Variants in MAP2 observed in about 807,000 individuals in gnomAD.
MAP2 encodes microtubule-associated protein 2.
In MAP2, 14 loss-of-function variants were observed where a neutral mutation model predicts 137.6. The observed-to-expected ratio is 0.10, with a 90% CI of 0.07 to 0.16. MAP2 has a LOEUF of 0.16. Ranked by LOEUF, MAP2 falls within the 10% of genes least tolerant of loss-of-function variation. The probability of loss-of-function intolerance (pLI) is 1.00; values close to 1 mark genes in which losing one functional copy is unlikely to be tolerated. For missense variants in MAP2, 2,088 were observed against 2,191.5 expected, an observed-to-expected ratio of 0.95 and a Z score of 0.94; for synonymous variants, 786 against 782.3, an observed-to-expected ratio of 1.00 and a Z score of -0.08.
chr2:209,688,145 C>T (rs2057684899), intron 7 of MAP2, among the ~76,000 whole-genome samples: 1 of 152,018 alleles, frequency 6.6e-6, no homozygotes, highest in South Asian at 2.1e-4. Flanking sequence ...TAAAAGAAGC[C>T]TTACTAGAGG....
chr2:209,494,511 T>C (rs554390329), intron 1 of MAP2, among the ~76,000 whole-genome samples: 14 of 151,480 alleles, frequency 9.2e-5, no homozygotes, highest in African/African-American at 3.4e-4. Context: ...CTCACTGCTA[T>C]AGTCCTACCA....
At chr2:209,453,072 T>G (rs911378157) in intron 1 of MAP2, among the ~76,000 whole-genome samples, 1 of 152,212 alleles carries the variant, frequency 6.6e-6, no homozygotes, top group African/African-American at 2.4e-5. Context: ...TGTCTATATT[T>G]TAAGTGTAGG....
chr2:209,537,210 CTTTTAA>C (rs2066104750), intron 2 of MAP2, among the ~76,000 whole-genome samples: 1 of 152,124 alleles, frequency 6.6e-6, no homozygotes, highest in Non-Finnish European at 1.5e-5. Context: ...ATATTTCAAA[CTTTTAA>C]ATTATTTTTT....
At chr2:209,546,132 G>T (rs1019841870) in intron 2 of MAP2, among the ~76,000 whole-genome samples, 16 of 152,094 alleles carry the variant, frequency 1.1e-4, no homozygotes, top group African/African-American at 3.9e-4. Flanking sequence ...AACAGCGTGA[G>T]ACTCCGTCTC....
intron 3 of MAP2, among the ~76,000 whole-genome samples, chr2:209,602,494 C>T (rs1256289493): frequency 6.6e-6 from 1 of 152,126 alleles, no homozygotes. Flanking sequence ...CTTTTGTAAA[C>T]TCAATAGATT....
At chr2:209,540,537 G>A (rs745357951) in intron 2 of MAP2, among the ~76,000 whole-genome samples, 28 of 135,076 alleles carry the variant, frequency 2.1e-4, no homozygotes, top group South Asian at 4.7e-4. Flanking sequence ...AGGCTGAAGC[G>A]GAAGAATCAC....
At chr2:209,579,177 A>G (rs2075829826) in intron 2 of MAP2, 1 of 152,168 alleles carries the variant, frequency 6.6e-6, no homozygotes, top group Non-Finnish European at 1.5e-5. Context: ...CCCATAAACT[A>G]GTATTTAGTC....
At position 209,424,228 on chromosome 2, in the gene MAP2, G is replaced by C. The variant is rs1488301507; in HGVS notation, c.-270G>C. Reference sequence around the variant, plus strand: ...TTTTTCTCCGGAGGGCGCTAAGTCCGTGAGCGGTGGCAGTCGCGACCGCGG... The same window carrying C: ...TTTTTCTCCGGAGGGCGCTAAGTCCCTGAGCGGTGGCAGTCGCGACCGCGG... On this transcript the variant is annotated 5_prime_UTR_variant, in exon 1 of 16. Coordinates refer to ENST00000682079, the MANE Select transcript of MAP2 (RefSeq NM_001375505.1). The C allele has an allele frequency of 6.6e-6, 1 of 151,882 alleles. No homozygotes were observed. Among genetic ancestry groups the C allele is most frequent in the Non-Finnish European group, 1.5e-5 (1 of 68,162 alleles). 9.4% of individuals were successfully genotyped at this position (151,882 alleles called of 1,614,324 possible).
chr2:209,619,251 T>C (rs1179363306), intron 3 of MAP2, among the ~76,000 whole-genome samples: 1 of 152,150 alleles, frequency 6.6e-6, no homozygotes, highest in Admixed American at 6.5e-5. Flanking sequence ...ATTGTATTCC[T>C]GAAAAATGTT....
At chr2:209,521,901 G>A (rs561358851) in intron 2 of MAP2, among the ~76,000 whole-genome samples, 1 of 152,172 alleles carries the variant, frequency 6.6e-6, no homozygotes, top group South Asian at 2.1e-4. Context: ...GTTCAGTTCA[G>A]TTTTGTAAGA....
intron 2 of MAP2, among the ~76,000 whole-genome samples, chr2:209,572,010 G>T (rs993989285): frequency 6.6e-6 from 1 of 151,482 alleles, no homozygotes; most frequent in Non-Finnish European, 1.5e-5. Flanking sequence ...TGAATATCTC[G>T]GAGGTTCAAG....
chr2:209,461,578 C>A (rs1702824338), intron 1 of MAP2, among the ~76,000 whole-genome samples: 1 of 152,064 alleles, frequency 6.6e-6, no homozygotes, highest in Non-Finnish European at 1.5e-5. Flanking sequence ...GCCTCAGCCT[C>A]CTGAGTAGCT....
At chr2:209,497,975 CT>C (rs1324477345) in intron 1 of MAP2, among the ~76,000 whole-genome samples, 4 of 152,218 alleles carry the variant, frequency 2.6e-5, no homozygotes, top group Non-Finnish European at 4.4e-5. Flanking sequence ...TACAGTCATG[CT>C]TTCCCAATGG....
Position 209,502,373 on chromosome 2 carries a change from T to G in MAP2, c.-221-5219T>G, listed in dbSNP as rs114259177. Among the ~76,000 whole-genome samples, 374 of 152,326 alleles carry G rather than the reference T, an allele frequency of 2.5e-3. 2 individuals are homozygous for G. Among genetic ancestry groups the G allele is most frequent in the African/African-American group, 8.5e-3 (354 of 41,580 alleles). On this transcript the variant is annotated intron_variant, in intron 1 of 15. Transcript: ENST00000682079. Reference sequence around the variant, plus strand: ...CTTTCTGTGTCTGGCTTATTTCACTTACCATAATGCCGTTCAGGTTTTTTC... The same window carrying G: ...CTTTCTGTGTCTGGCTTATTTCACTGACCATAATGCCGTTCAGGTTTTTTC...
intron 5 of MAP2, among the ~76,000 whole-genome samples, chr2:209,672,948 T>C (rs1202891302): frequency 3.3e-5 from 5 of 151,842 alleles, no homozygotes; most frequent in African/African-American, 1.2e-4. Context: ...TGTATGTGTT[T>C]CCACCAATAT....
chr2:209,557,471 C>A (rs968120978), intron 2 of MAP2, among the ~76,000 whole-genome samples: 4 of 152,120 alleles, frequency 2.6e-5, no homozygotes, highest in Admixed American at 2.0e-4. Context: ...GGAGTGTAAG[C>A]ATGCACATTC....
chr2:209,661,651 G>C (rs2153635537), intron 5 of MAP2: 1 of 985,434 alleles, frequency 1.0e-6, no homozygotes, highest in East Asian at 1.1e-4. Context: ...AGAAAGACAA[G>C]GATTGATAGA....
intron 3 of MAP2, among the ~76,000 whole-genome samples, chr2:209,589,997 A>G (rs2078813320): frequency 1.3e-5 from 2 of 152,168 alleles, no homozygotes; most frequent in African/African-American, 2.4e-5. Context: ...TGATGACCTC[A>G]GGAGCTGCTG....
chr2:209,465,336 A>G (rs1407621049), intron 1 of MAP2, among the ~76,000 whole-genome samples: 1 of 152,188 alleles, frequency 6.6e-6, no homozygotes, highest in African/African-American at 2.4e-5. Context: ...AAAAATGTGC[A>G]TTAGTAATCT....
Sources: gnomAD v4.1 joint callset for allele counts (sites outside exome capture counted in the v4.1 genomes callset) on GRCh38, gnomAD v4.1.1 for gene constraint, MANE v1.5 for transcripts, NCBI Gene and HGNC (gene_info 2026-07-23, HGNC 2026-07-21) for gene names.